Variants in DNAJC3 observed in about 807,000 individuals in gnomAD.
The protein encoded by DNAJC3 is dnaJ homolog subfamily C member 3.
DNAJC3 carries 38 observed loss-of-function variants against 68.6 expected under a neutral mutation model. The observed-to-expected ratio is 0.55, with a 90% CI of 0.43 to 0.73. The LOEUF is 0.73. Ranked by LOEUF, DNAJC3 falls within the 30% of genes least tolerant of loss-of-function variation. DNAJC3 has a pLI of 0.00. For synonymous variants in DNAJC3, 203 were observed against 204.0 expected (o/e 1.00, Z 0.04); for missense variants, 526 against 591.9 (o/e 0.89, Z 1.16).
intron 1 of DNAJC3, among the ~76,000 whole-genome samples, chr13:95,705,184 C>T (rs571560049): frequency 6.6e-6 from 1 of 152,296 alleles, no homozygotes; most frequent in East Asian, 1.9e-4. Context: ...TCATAATCTC[C>T]ATCCCTGCCA....
At chr13:95,697,507 A>G (rs1312302946) in intron 1 of DNAJC3, among the ~76,000 whole-genome samples, 1 of 152,210 alleles carries the variant, frequency 6.6e-6, no homozygotes, top group African/African-American at 2.4e-5. Context: ...TTCGTCTTGT[A>G]TAGTATCTTC....
At chr13:95,772,831 G>GAT (rs1181685400) in intron 9 of DNAJC3, among the ~76,000 whole-genome samples, 1 of 152,138 alleles carries the variant, frequency 6.6e-6, no homozygotes, top group Admixed American at 6.5e-5. Flanking sequence ...TAATTATTGG[G>GAT]ATAAACTCTT....
intron 9 of DNAJC3, among the ~76,000 whole-genome samples, chr13:95,771,091 A>G (rs1240733421): frequency 6.6e-6 from 1 of 152,066 alleles, no homozygotes; most frequent in African/African-American, 2.4e-5. Flanking sequence ...CCATTTATCC[A>G]TCAGTTCATC....
intron 4 of DNAJC3, among the ~76,000 whole-genome samples, chr13:95,757,307 A>G (rs1224823564): frequency 2.6e-5 from 4 of 152,204 alleles, no homozygotes; most frequent in African/African-American, 9.6e-5. Flanking sequence ...AAGTTAATTT[A>G]TTCTGCAGAG....
rs572466196 is a variant in DNAJC3, at chr13:95,741,521, T to G, written c.394-16123T>G. Among the ~76,000 whole-genome samples, 207 of 152,272 alleles carry G rather than the reference T, an allele frequency of 1.4e-3. 1 individual carries two copies. In the South Asian group the frequency reaches 0.015, roughly 11 times the overall value. On this transcript the variant is annotated intron_variant, in intron 4 of 11. Coordinates refer to ENST00000602402, the MANE Select transcript of DNAJC3 (RefSeq NM_006260.5). ...GTATGCTGGCATTTATGTTAGTGGG[T>G]CCACGTGGACCAATTCTTGGGCTTC...
At chr13:95,740,720 C>G (rs774262902) in intron 4 of DNAJC3, among the ~76,000 whole-genome samples, 2 of 152,222 alleles carry the variant, frequency 1.3e-5, no homozygotes, top group African/African-American at 4.8e-5. Flanking sequence ...CTGGCACTCC[C>G]TAGTGAGATG....
chr13:95,743,216 C>T (rs535546288), intron 4 of DNAJC3, among the ~76,000 whole-genome samples: 1 of 152,314 alleles, frequency 6.6e-6, no homozygotes, highest in South Asian at 2.1e-4. Context: ...AGAATTTAAA[C>T]TTAGCAGAGT....
At chr13:95,717,878 GA>G (rs1295186035) in intron 2 of DNAJC3, among the ~76,000 whole-genome samples, 1 of 152,174 alleles carries the variant, frequency 6.6e-6, no homozygotes. Flanking sequence ...TCAGCAGCAT[GA>G]AAACGGACTA....
chr13:95,681,289 G>T (rs993535974), intron 1 of DNAJC3, among the ~76,000 whole-genome samples: 1 of 152,164 alleles, frequency 6.6e-6, no homozygotes, highest in Admixed American at 6.5e-5. Flanking sequence ...TACCTTATAG[G>T]TAAACACGGA....
At chr13:95,709,117 T>C in intron 1 of DNAJC3, 110 bp from the exon 2 acceptor site, 2 of 696,760 alleles carry the variant, frequency 2.9e-6, no homozygotes, top group Non-Finnish European at 4.2e-6. Flanking sequence ...CTGTGACTTT[T>C]CTCATCTGAG....
chr13:95,679,351 T>C (rs1042211885), intron 1 of DNAJC3, among the ~76,000 whole-genome samples: 2 of 152,098 alleles, frequency 1.3e-5, no homozygotes, highest in African/African-American at 4.8e-5. Context: ...TTTGATTCAT[T>C]AGGTCTTGAT....
intron 4 of DNAJC3, among the ~76,000 whole-genome samples, chr13:95,740,955 G>A (rs9525047): frequency 6.6e-6 from 1 of 152,040 alleles, no homozygotes; most frequent in African/African-American, 2.4e-5. Flanking sequence ...TCATACCCTG[G>A]ATTGTTTTTC....
At chr13:95,776,191 A>G (rs1302012418) in intron 9 of DNAJC3, among the ~76,000 whole-genome samples, 2 of 152,120 alleles carry the variant, frequency 1.3e-5, no homozygotes, top group Non-Finnish European at 2.9e-5. Flanking sequence ...CTTAAAGTGC[A>G]TCCTCAAAAA....
chr13:95,709,488 A>G lies in DNAJC3; in HGVS notation c.193+151A>G, dbSNP rs1284434307. ...GTGGGATTCTGAGCGAAATAGATGGATAAAATAAATATATAACACTTAAAT... is the reference window on the plus strand; with the variant it reads ...GTGGGATTCTGAGCGAAATAGATGGGTAAAATAAATATATAACACTTAAAT... On this transcript the variant is annotated intron_variant, in intron 2 of 11. Transcript: ENST00000602402. The G allele has an allele frequency of 1.9e-5, 11 of 579,252 alleles. No homozygotes were observed. In the East Asian group the frequency reaches 3.8e-4, roughly 20 times the overall value. 35.9% of individuals were successfully genotyped at this position (579,252 alleles called of 1,614,324 possible).
At chr13:95,712,741 A>G (rs950696523) in intron 2 of DNAJC3, among the ~76,000 whole-genome samples, 1 of 152,048 alleles carries the variant, frequency 6.6e-6, no homozygotes, top group Non-Finnish European at 1.5e-5. Context: ...AGCTCTAATA[A>G]TTTTTGTGTT....
intron 9 of DNAJC3, among the ~76,000 whole-genome samples, chr13:95,764,667 TATATATATATATATATACAC>T (rs1489198194): frequency 1.6e-5 from 2 of 123,900 alleles, no homozygotes; most frequent in African/African-American, 6.5e-5. Context: ...TATATATATA[TATATATATATATATATACAC>T]ACACACACAT....
intron 9 of DNAJC3, among the ~76,000 whole-genome samples, chr13:95,779,275 C>A (rs1387407426): frequency 6.6e-6 from 1 of 151,846 alleles, no homozygotes; most frequent in African/African-American, 2.4e-5. Flanking sequence ...AGGCGCCCGC[C>A]ACCATACCCG....
chr13:95,726,654 A>G (rs571158687), intron 4 of DNAJC3, among the ~76,000 whole-genome samples: 40 of 152,298 alleles, frequency 2.6e-4, no homozygotes, highest in Non-Finnish European at 5.0e-4. Flanking sequence ...ATACTAAAAA[A>G]TGATTTGGTT....
At chr13:95,779,543 TATTTCC>T (rs1883392949) in intron 9 of DNAJC3, among the ~76,000 whole-genome samples, 1 of 152,220 alleles carries the variant, frequency 6.6e-6, no homozygotes, top group Non-Finnish European at 1.5e-5. Context: ...TAAAACTCTC[TATTTCC>T]ATTTCCTTTT....
Sources: allele counts gnomAD v4.1 joint callset (sites outside exome capture counted in the v4.1 genomes callset), GRCh38; gene constraint gnomAD v4.1.1; transcripts MANE v1.5; gene names NCBI Gene and HGNC (gene_info 2026-07-23, HGNC 2026-07-21).